The following UBE2E2 variants were observed in gnomAD, a reference collection of about 807,000 sequenced individuals.
UBE2E2 encodes ubiquitin-conjugating enzyme E2 E2.
UBE2E2 carries 6 observed loss-of-function variants against 24.7 expected under a neutral mutation model. That is an observed-to-expected ratio of 0.24 (90% CI 0.13 to 0.48). The LOEUF (loss-of-function observed/expected upper bound fraction) is 0.48. Among genes scored for constraint, UBE2E2 ranks in the 20% least tolerant of loss-of-function variants. The pLI is 0.99. For synonymous variants in UBE2E2, 104 were observed against 83.6 expected, an observed-to-expected ratio of 1.24 and a Z score of -1.33; for missense variants, 169 against 245.0, an observed-to-expected ratio of 0.69 and a Z score of 2.07.
rs1010851616 is a variant in UBE2E2, at chr3:23,523,602, A to G, written c.361-8952A>G. Among the ~76,000 whole-genome samples the G allele has an allele frequency of 1.1e-4, 12 of 106,734 alleles. No individual in the cohort carries two copies. The East Asian group carries it at 4.0e-3, about 35-fold the overall frequency. 70.0% of individuals were successfully genotyped at this position (106,734 alleles called of 152,430 possible). A position where few individuals can be genotyped will look rare whatever the true frequency, so the allele number is the denominator to read the frequency against. On this transcript the variant is annotated intron_variant, in intron 4 of 5. Coordinates refer to ENST00000396703, the MANE Select transcript of UBE2E2 (RefSeq NM_152653.4). ...CTGCCAGTTATTCAAGGGCCAGATA[A>G]TATTCCTATGGGGTGGGGGGCTGGG... is the stretch of plus-strand genomic sequence containing the variant.
intron 5 of UBE2E2, among the ~76,000 whole-genome samples, chr3:23,553,982 G>A (rs1368530323): frequency 6.6e-6 from 1 of 151,978 alleles, no homozygotes; most frequent in Non-Finnish European, 1.5e-5. Flanking sequence ...AAAGCAATAT[G>A]CAGATCCAAC....
intron 3 of UBE2E2, among the ~76,000 whole-genome samples, chr3:23,387,627 C>T (rs1575599507): frequency 6.6e-6 from 1 of 152,140 alleles, no homozygotes; most frequent in Non-Finnish European, 1.5e-5. Context: ...TTCTCTCTTT[C>T]TTTACCATCT....
intron 5 of UBE2E2, among the ~76,000 whole-genome samples, chr3:23,551,722 G>A (rs1559419092): frequency 6.6e-6 from 1 of 152,238 alleles, no homozygotes; most frequent in Non-Finnish European, 1.5e-5. Context: ...CTGACTAGAG[G>A]GCCTTGCATG....
At chr3:23,561,770 C>T (rs1470400178) in intron 5 of UBE2E2, among the ~76,000 whole-genome samples, 1 of 152,092 alleles carries the variant, frequency 6.6e-6, no homozygotes, top group Non-Finnish European at 1.5e-5. Context: ...TGTGGTTCTC[C>T]TTGAAGAGGT....
chr3:23,267,735 T>G (rs866978549), intron 3 of UBE2E2, among the ~76,000 whole-genome samples: 13 of 151,858 alleles, frequency 8.6e-5, no homozygotes, highest in Middle Eastern at 3.4e-3. Flanking sequence ...TACCAAAGCC[T>G]GGCAGAGACA....
chr3:23,499,592 G>T lies in UBE2E2; in HGVS notation c.228-16G>T. 1 of 1,601,368 alleles carries T rather than the reference G, an allele frequency of 6.2e-7. No homozygotes were observed. Among genetic ancestry groups the T allele is most frequent in the Admixed American group, 1.8e-5 (1 of 56,902 alleles). On this transcript the variant is annotated splice_polypyrimidine_tract_variant and intron_variant, in intron 3 of 5. Coordinates refer to ENST00000396703, the MANE Select transcript of UBE2E2 (RefSeq NM_152653.4). ...TGTAATTTCTAAGCACATTTCATTT[G>T]TATGTCTTATTTCAGTGCTGGACCC...
intron 3 of UBE2E2, among the ~76,000 whole-genome samples, chr3:23,229,199 G>T (rs546787618): frequency 6.6e-6 from 1 of 152,300 alleles, no homozygotes; most frequent in Admixed American, 6.5e-5. Flanking sequence ...AATGTTTCCA[G>T]TATTTGAAGC....
At chr3:23,571,962 G>T (rs1366737364) in intron 5 of UBE2E2, among the ~76,000 whole-genome samples, 1 of 152,180 alleles carries the variant, frequency 6.6e-6, no homozygotes, top group Admixed American at 6.5e-5. Context: ...TGGACTCCTG[G>T]AGCTGGCAGA....
At chr3:23,531,975 T>C (rs4642064) in intron 4 of UBE2E2, among the ~76,000 whole-genome samples, 43,864 of 150,242 alleles carry the variant, frequency 0.29, 6,792 homozygotes, top group African/African-American at 0.39. Flanking sequence ...GGCAGGACAA[T>C]CGCTTGAACC....
chr3:23,452,258 C>T (rs1365974629), intron 3 of UBE2E2, among the ~76,000 whole-genome samples: 4 of 152,128 alleles, frequency 2.6e-5, no homozygotes, highest in Admixed American at 2.0e-4. Flanking sequence ...GATTTAAGGT[C>T]CTACATTTAC....
intron 3 of UBE2E2, among the ~76,000 whole-genome samples, chr3:23,317,761 C>G (rs1214151164): frequency 6.6e-6 from 1 of 152,022 alleles, no homozygotes; most frequent in Non-Finnish European, 1.5e-5. Flanking sequence ...CCTACCGGGT[C>G]TCTCCCACGA....
chr3:23,310,820 A>G (rs1469854613), intron 3 of UBE2E2, among the ~76,000 whole-genome samples: 1 of 152,194 alleles, frequency 6.6e-6, no homozygotes, highest in Non-Finnish European at 1.5e-5. Flanking sequence ...ATCACTAAGG[A>G]TAAGATAATA....
intron 3 of UBE2E2, among the ~76,000 whole-genome samples, chr3:23,496,537 C>T (rs1423059842): frequency 6.6e-6 from 1 of 152,052 alleles, no homozygotes. Flanking sequence ...GAAATAGTAT[C>T]CTACTGTATA....
At chr3:23,572,622 G>C (rs1309857348) in intron 5 of UBE2E2, among the ~76,000 whole-genome samples, 1 of 152,132 alleles carries the variant, frequency 6.6e-6, no homozygotes, top group African/African-American at 2.4e-5. Flanking sequence ...ACTTATAAGT[G>C]AGACAATGCA....
chr3:23,311,068 T>C (rs1316316336), intron 3 of UBE2E2, among the ~76,000 whole-genome samples: 1 of 152,214 alleles, frequency 6.6e-6, no homozygotes, highest in Admixed American at 6.5e-5. Flanking sequence ...CCAGGTGTTC[T>C]CATTGTTCAG....
intron 3 of UBE2E2, among the ~76,000 whole-genome samples, chr3:23,467,185 T>C (rs915804322): frequency 3.3e-5 from 5 of 152,238 alleles, no homozygotes; most frequent in Admixed American, 3.3e-4. Flanking sequence ...TCAGGTAATA[T>C]ACAGTACTAC....
intron 3 of UBE2E2, among the ~76,000 whole-genome samples, chr3:23,247,097 C>G (rs1345105292): frequency 1.3e-5 from 2 of 152,132 alleles, no homozygotes; most frequent in African/African-American, 4.8e-5. Context: ...CCAAGCAGTC[C>G]TCCTGCCTCA....
At chr3:23,332,884 A>G (rs1695102875) in intron 3 of UBE2E2, among the ~76,000 whole-genome samples, 1 of 151,906 alleles carries the variant, frequency 6.6e-6, no homozygotes, top group Non-Finnish European at 1.5e-5. Flanking sequence ...ACTTTATAAG[A>G]CTCCCTTGAC....
chr3:23,314,871 A>C (rs893982103), intron 3 of UBE2E2, among the ~76,000 whole-genome samples: 2 of 152,018 alleles, frequency 1.3e-5, no homozygotes, highest in African/African-American at 2.4e-5. Flanking sequence ...CACTCTTTTT[A>C]GTATCCTTTA....
Sources: gnomAD v4.1 joint callset for allele counts (sites outside exome capture counted in the v4.1 genomes callset) on GRCh38, gnomAD v4.1.1 for gene constraint, MANE v1.5 for transcripts, NCBI Gene and HGNC (gene_info 2026-07-23, HGNC 2026-07-21) for gene names.